Variants in ATP8B1 observed in about 807,000 individuals in gnomAD.
ATP8B1 encodes the protein ATPase phospholipid transporting 8B1, also known as phospholipid-transporting ATPase IC.
A neutral mutation model predicts 149.9 loss-of-function variants in ATP8B1; 80 were observed. The ratio of observed to expected loss-of-function variants is 0.53; its 90% CI spans 0.45 to 0.64. The LOEUF (loss-of-function observed/expected upper bound fraction) is 0.64. ATP8B1 is among the 30% of genes least tolerant of loss of function. The probability of loss-of-function intolerance (pLI) is 0.00; values close to 1 mark genes in which losing one functional copy is unlikely to be tolerated. For missense variants in ATP8B1, 1,247 were observed against 1,552.6 expected (o/e 0.80, Z 3.31); for synonymous variants, 536 against 562.8 (o/e 0.95, Z 0.67).
chr18:57,737,643 C>T (rs1390788796), intron 1 of ATP8B1: 1 of 151,980 alleles, frequency 6.6e-6, no homozygotes, highest in East Asian at 1.9e-4. Flanking sequence ...GGGCCCCAAG[C>T]AATCCTCCCA....
At chr18:57,790,561 C>T (rs570301038) in intron 1 of ATP8B1, among the ~76,000 whole-genome samples, 23 of 152,094 alleles carry the variant, frequency 1.5e-4, no homozygotes, top group South Asian at 4.2e-4. Context: ...TTTGCACATG[C>T]GGTTCCCATT....
At position 57,696,374 on chromosome 18, in the gene ATP8B1, G is replaced by C. The variant is rs187609557; in HGVS notation, c.699-842C>G. On this transcript the variant is annotated intron_variant, in intron 8 of 27. Transcript: ENST00000648908. ...TTTGAGACCAACCTGACAACAGAAA[G>C]CTCTATCAGGCAACTGCCCATAATC... 3.3e-5 allele frequency among the ~76,000 whole-genome samples: 5 copies of C among 152,234 alleles called. No homozygotes were observed. The East Asian group carries it at 9.7e-4, about 29-fold the overall frequency.
At chr18:57,669,564 T>A in intron 17 of ATP8B1, 82 bp from the exon 18 acceptor site, 1 of 1,312,454 alleles carries the variant, frequency 7.6e-7, no homozygotes, top group Non-Finnish European at 1.1e-6. Flanking sequence ...AAATTTTACT[T>A]TGAAGTAATA....
chr18:57,668,591 A>C (rs780244512), intron 18 of ATP8B1, 51 bp from the exon 19 acceptor site: 15 of 1,239,474 alleles, frequency 1.2e-5, no homozygotes, highest in Non-Finnish European at 1.7e-5. Context: ...AACAAACCAA[A>C]AGTTTTCTGT....
chr18:57,648,599 C>T lies in ATP8B1; in HGVS notation c.3645G>A (p.Arg1215=), dbSNP rs1168514248. Residue 1215 remains arginine, a synonymous_variant, in exon 28 of 28, where the codon CGG becomes CGA. Transcript: ENST00000648908. ...CGGAGGAGATGAGGTCCGCGTAGCC[C>T]CGCTGGTGCGAGAAGGCGTAGGCCG... ...RRSAYAFSHQ[R]GYADLISSGR... 1.2e-6 allele frequency: 2 copies of T among 1,611,104 alleles called. No homozygotes were observed. Among genetic ancestry groups the T allele is most frequent in the Non-Finnish European group, 1.7e-6 (2 of 1,179,750 alleles).
Position 57,669,476 on chromosome 18 carries a change from C to G in ATP8B1, c.1939G>C (p.Ala647Pro). 6.2e-7 allele frequency: 1 copy of G among 1,611,188 alleles called. No individual in the cohort carries two copies. The highest frequency in any genetic ancestry group is 1.3e-5 in the African/African-American group (1 of 74,866). The change falls in exon 18 of 28, where the codon GCA becomes CCA. Residue 647 changes from alanine (A) to proline (P), a missense_variant. Ala to Pro is a conservative substitution (Grantham distance 27). Around this residue, in one of 3 missense-constraint regions of ATP8B1, gnomAD observed 853 missense variants for 1,035.7 expected, o/e 0.82. Coordinates refer to ENST00000648908, the MANE Select transcript of ATP8B1 (RefSeq NM_001374385.1). ...CATAGGGTTCTAAGAGTTTCATTTG[C>G]AAAGATCTGTTTTATTTAAAAAAAT... ...QETQDALDIFANETLRTLCLC... is the reference protein window; with the variant it reads ...QETQDALDIFPNETLRTLCLC...
chr18:57,717,547 C>CAAAAAAAAAAAAAAAA (rs1163024544), intron 2 of ATP8B1, among the ~76,000 whole-genome samples: 1 of 19,918 alleles, frequency 5.0e-5, no homozygotes, highest in Non-Finnish European at 8.6e-5. Context: ...GACTCTGTCT[C>CAAAAAAAAAAAAAAAA]AAAAAAAAAA....
intron 12 of ATP8B1, among the ~76,000 whole-genome samples, chr18:57,690,754 CTA>C (rs1293751239): frequency 1.3e-5 from 2 of 152,158 alleles, no homozygotes; most frequent in Admixed American, 1.3e-4. Context: ...TATGTGATTC[CTA>C]TGTCTCTGGG....
intron 1 of ATP8B1, among the ~76,000 whole-genome samples, chr18:57,752,226 G>GATA (rs61423520): frequency 0.17 from 24,439 of 144,446 alleles, 2,326 homozygotes; most frequent in African/African-American, 0.25. Flanking sequence ...TAATAATAAT[G>GATA]ATAATAATAA....
chr18:57,718,662 G>C (rs1431515391), intron 2 of ATP8B1, among the ~76,000 whole-genome samples: 1 of 152,116 alleles, frequency 6.6e-6, no homozygotes, highest in Admixed American at 6.6e-5. Flanking sequence ...ACATTAAAAA[G>C]ATCATTCATC....
At chr18:57,694,996 C>CT (rs1912729126) in intron 10 of ATP8B1, among the ~76,000 whole-genome samples, 175 bp downstream of exon 10, 1 of 136,300 alleles carries the variant, frequency 7.3e-6, no homozygotes. Context: ...TGCCACTGCA[C>CT]TCCAGCCTGG....
intron 13 of ATP8B1, among the ~76,000 whole-genome samples, chr18:57,687,416 C>T (rs936935726): frequency 1.1e-4 from 17 of 152,144 alleles, no homozygotes; most frequent in Admixed American, 3.3e-4. Context: ...ATTATTGGAA[C>T]GCTAAGCATG....
chr18:57,666,059 A>T, intron 20 of ATP8B1, among the ~76,000 whole-genome samples: 1 of 152,266 alleles, frequency 6.6e-6, no homozygotes, highest in Non-Finnish European at 1.5e-5. Flanking sequence ...TTGACCATCA[A>T]TTCCCTCATC....
At chr18:57,756,765 T>A (rs957707035) in intron 1 of ATP8B1, among the ~76,000 whole-genome samples, 12 of 152,172 alleles carry the variant, frequency 7.9e-5, no homozygotes, top group African/African-American at 2.9e-4. Flanking sequence ...ATCACATAGG[T>A]GATGCTGCGT....
At chr18:57,713,240 C>CTTCCTTCCTTCCTTCT (rs1555694278) in intron 2 of ATP8B1, among the ~76,000 whole-genome samples, 1 of 65,158 alleles carries the variant, frequency 1.5e-5, no homozygotes, top group African/African-American at 5.4e-5. Flanking sequence ...TCCTTCCTTC[C>CTTCCTTCCTTCCTTCT]TTCTTTCTTT....
chr18:57,796,237 C>G (rs929804695), intron 1 of ATP8B1, among the ~76,000 whole-genome samples: 1 of 152,150 alleles, frequency 6.6e-6, no homozygotes, highest in South Asian at 2.1e-4. Flanking sequence ...TCATAAGGAA[C>G]CTCTCCTCCT....
At chr18:57,775,882 G>C (rs2123393783) in intron 1 of ATP8B1, among the ~76,000 whole-genome samples, 1 of 152,280 alleles carries the variant, frequency 6.6e-6, no homozygotes, top group East Asian at 1.9e-4. Context: ...GACCTCAGGT[G>C]ATCCGCCTGC....
At chr18:57,720,138 G>A (rs1398151650) in intron 2 of ATP8B1, among the ~76,000 whole-genome samples, 1 of 150,806 alleles carries the variant, frequency 6.6e-6, no homozygotes, top group Admixed American at 6.6e-5. Context: ...AAACCACAAA[G>A]ATGGGGAAAA....
At chr18:57,672,113 G>A (rs1172395659) in intron 16 of ATP8B1, among the ~76,000 whole-genome samples, 2 of 152,124 alleles carry the variant, frequency 1.3e-5, no homozygotes, top group African/African-American at 4.8e-5. Context: ...AGTCAGCTCT[G>A]TTTTTTATAA....
Sources: gnomAD v4.1 joint callset for allele counts (sites outside exome capture counted in the v4.1 genomes callset) on GRCh38, gnomAD v4.1.1 for gene constraint, gnomAD v4.1.1 regional missense constraint, MANE v1.5 for transcripts, NCBI Gene and HGNC (gene_info 2026-07-23, HGNC 2026-07-21) for gene names.